Variants in EPS15 observed in about 807,000 individuals in gnomAD.
EPS15 encodes epidermal growth factor receptor substrate 15.
A neutral mutation model predicts 113.8 loss-of-function variants in EPS15; 72 were observed. That is an observed-to-expected ratio of 0.63 (90% CI 0.52 to 0.77). The LOEUF is 0.77. Ranked by LOEUF, EPS15 falls within the 30% of genes least tolerant of loss-of-function variation. EPS15 has a pLI of 0.00. For missense variants in EPS15, 1,048 were observed against 1,045.8 expected (o/e 1.00, Z -0.03); for synonymous variants, 344 against 363.4 (o/e 0.95, Z 0.61).
chr1:51,409,270 G>A (rs913344997), intron 14 of EPS15, among the ~76,000 whole-genome samples: 19 of 152,214 alleles, frequency 1.2e-4, no homozygotes, highest in African/African-American at 4.6e-4. Context: ...GGGTAACTGG[G>A]GGAGGGACAG....
intron 6 of EPS15, 83 bp from the exon 7 acceptor site, chr1:51,463,881 T>C (rs1046245676): frequency 1.8e-5 from 13 of 731,820 alleles, no homozygotes; most frequent in Admixed American, 2.5e-5. Context: ...CCTTAAAGAA[T>C]AGACTACATA....
intron 13 of EPS15, among the ~76,000 whole-genome samples, chr1:51,415,649 A>C (rs1349579933): frequency 6.6e-6 from 1 of 151,208 alleles, no homozygotes; most frequent in African/African-American, 2.4e-5. Flanking sequence ...ATAAAAAATT[A>C]GCCAGGCGTG....
At chr1:51,416,089 C>T (rs1318974967) in intron 13 of EPS15, among the ~76,000 whole-genome samples, 2 of 152,120 alleles carry the variant, frequency 1.3e-5, no homozygotes, top group Non-Finnish European at 2.9e-5. Flanking sequence ...GTACCTCTCT[C>T]TCTCTTCCTG....
intron 21 of EPS15, among the ~76,000 whole-genome samples, chr1:51,371,239 C>G (rs1438548287): frequency 1.3e-5 from 2 of 152,116 alleles, no homozygotes; most frequent in African/African-American, 4.8e-5. Flanking sequence ...TGTTCACCTT[C>G]TACATATACA....
chr1:51,374,611 AAAAC>A (rs1485254409), intron 21 of EPS15, among the ~76,000 whole-genome samples: 25 of 152,220 alleles, frequency 1.6e-4, no homozygotes, highest in Non-Finnish European at 2.4e-4. Flanking sequence ...TCTCCAAAAC[AAAAC>A]AAACAAACAA....
At chr1:51,435,034 A>T (rs1652028671) in intron 12 of EPS15, among the ~76,000 whole-genome samples, 2 of 151,918 alleles carry the variant, frequency 1.3e-5, no homozygotes, top group Non-Finnish European at 2.9e-5. Context: ...ATAAATTACT[A>T]TGTTATGTGT....
intron 12 of EPS15, chr1:51,422,222 G>C (rs1650824305): frequency 4.5e-6 from 1 of 220,958 alleles, no homozygotes; most frequent in Admixed American, 5.9e-5. Context: ...AGCTCTGTAA[G>C]GTTAACCCTT....
intron 21 of EPS15, among the ~76,000 whole-genome samples, chr1:51,384,238 T>C (rs540367175): frequency 6.6e-6 from 1 of 152,018 alleles, no homozygotes; most frequent in African/African-American, 2.4e-5. Flanking sequence ...CATCCTAAAA[T>C]TCATATGGAA....
intron 1 of EPS15, among the ~76,000 whole-genome samples, chr1:51,481,968 G>C (rs1443124875): frequency 6.6e-6 from 1 of 152,100 alleles, no homozygotes; most frequent in Non-Finnish European, 1.5e-5. Context: ...CCAAGAGTTT[G>C]AGACCAGCCT....
At chr1:51,490,355 G>A (rs1422636282) in intron 1 of EPS15, 3 of 429,034 alleles carry the variant, frequency 7.0e-6, no homozygotes, top group South Asian at 4.9e-5. Flanking sequence ...CACGAGGTCA[G>A]GAGTTCAAGA....
chr1:51,494,068 C>T (rs1644288205), intron 1 of EPS15, among the ~76,000 whole-genome samples: 1 of 152,152 alleles, frequency 6.6e-6, no homozygotes, highest in Admixed American at 6.5e-5. Context: ...TTTCAATTAT[C>T]AATTTGCACA....
chr1:51,434,413 G>T (rs1490806178), intron 12 of EPS15, among the ~76,000 whole-genome samples: 2 of 152,150 alleles, frequency 1.3e-5, no homozygotes, highest in African/African-American at 4.8e-5. Flanking sequence ...AGAACCCTGA[G>T]GATATTATGC....
chr1:51,444,818 G>C (rs1197066329), intron 11 of EPS15, 71 bp downstream of exon 11: 4 of 1,384,178 alleles, frequency 2.9e-6, no homozygotes, highest in Non-Finnish European at 4.0e-6. Flanking sequence ...CATCCAAATT[G>C]AATCTGTAAT....
intron 3 of EPS15, among the ~76,000 whole-genome samples, chr1:51,472,104 C>A (rs1265977622): frequency 6.6e-6 from 1 of 151,728 alleles, no homozygotes; most frequent in African/African-American, 2.4e-5. Flanking sequence ...CCCACGGAAG[C>A]CAAAAGATTG....
chr1:51,421,970 A>G (rs1403039156), intron 12 of EPS15, 112 bp from the exon 13 acceptor site: 2 of 1,460,074 alleles, frequency 1.4e-6, no homozygotes, highest in Admixed American at 2.2e-5. Context: ...GAAACATTCA[A>G]TTTTTAAATG....
At chr1:51,454,023 C>G (rs1653780040) in intron 8 of EPS15, among the ~76,000 whole-genome samples, 1 of 129,174 alleles carries the variant, frequency 7.7e-6, no homozygotes. Context: ...GCACTCCAGT[C>G]TGGGCGACAG....
At chr1:51,516,464 G>GGAAC (rs201472397) in intron 1 of EPS15, among the ~76,000 whole-genome samples, 4,821 of 152,286 alleles carry the variant, frequency 0.032, 123 homozygotes, top group Non-Finnish European at 0.05. Flanking sequence ...ACAGTTAGCT[G>GGAAC]TGGCCAAAGC....
chr1:51,417,525 T>C (rs893374724), intron 13 of EPS15, among the ~76,000 whole-genome samples: 7 of 152,196 alleles, frequency 4.6e-5, no homozygotes, highest in African/African-American at 1.2e-4. Flanking sequence ...ACTCACAATA[T>C]ATAGGAAGGA....
intron 15 of EPS15, among the ~76,000 whole-genome samples, chr1:51,406,788 G>GT (rs1166706434): frequency 1.3e-5 from 2 of 152,190 alleles, no homozygotes; most frequent in Admixed American, 6.5e-5. Context: ...TTAAAAATGT[G>GT]TAAGTTCCCA....
Sources: allele counts gnomAD v4.1 joint callset (sites outside exome capture counted in the v4.1 genomes callset), GRCh38; gene constraint gnomAD v4.1.1; transcripts MANE v1.5; gene names NCBI Gene and HGNC (gene_info 2026-07-23, HGNC 2026-07-21).